The following CELSR1 variants were observed in gnomAD, a reference collection of about 807,000 sequenced individuals.
The protein encoded by CELSR1 is cadherin EGF LAG seven-pass G-type receptor 1.
A neutral mutation model predicts 249.1 loss-of-function variants in CELSR1; 110 were observed. The ratio of observed to expected loss-of-function variants is 0.44; its 90% CI spans 0.38 to 0.52. The LOEUF (loss-of-function observed/expected upper bound fraction) is 0.52. Among genes scored for constraint, CELSR1 ranks in the 20% least tolerant of loss-of-function variants. The pLI is 0.00. For synonymous variants in CELSR1, 2,113 were observed against 1,900.0 expected (o/e 1.11, Z -2.92); for missense variants, 4,109 against 4,296.4 (o/e 0.96, Z 1.22).
rs2079620117 is a variant in CELSR1 at position 46,433,459 on chromosome 22, T to C, written c.4545A>G (p.Ala1515=). 6.2e-7 allele frequency: 1 copy of C among 1,613,824 alleles called. No homozygotes were observed. Among genetic ancestry groups the C allele is most frequent in the South Asian group, 1.1e-5 (1 of 91,070 alleles). Residue 1515 remains alanine, a synonymous_variant, in exon 5 of 35, where the codon GCA becomes GCG. Coordinates refer to ENST00000674500, the MANE Select transcript of CELSR1 (RefSeq NM_001378328.1). The surrounding 1 kb of genome is among the most constrained non-coding windows in gnomAD (Gnocchi z 5.7). ...FSAGETTTTV[A]PKVPSGVSDG... ...CACTCACACCACTGGGAACCTTCGG[T>C]GCCACGGTCGTTGTTGTCTCGCCTG...
chr22:46,530,371 A>G (rs1278195864), intron 1 of CELSR1: 1 of 149,264 alleles, frequency 6.7e-6, no homozygotes, highest in Non-Finnish European at 1.5e-5. Flanking sequence ...ATAATTCATT[A>G]TATATAAATT....
Position 46,386,952 on chromosome 22 carries a change from T to G in CELSR1, c.6556-367A>C, listed in dbSNP as rs148505739. Among the ~76,000 whole-genome samples the G allele has an allele frequency of 5.7e-3, 873 of 152,278 alleles. 9 individuals are homozygous for G. The highest frequency in any genetic ancestry group is 0.019 in the African/African-American group (796 of 41,554). On this transcript the variant is annotated intron_variant, in intron 18 of 34. Transcript: ENST00000674500. ...TTTGTATTTTTAGTAGAGACGGGGC[T>G]TCACCATGTTGGCCAGGCTGGTTTT...
intron 1 of CELSR1, among the ~76,000 whole-genome samples, chr22:46,474,110 G>A (rs911372067): frequency 4.6e-5 from 7 of 152,162 alleles, no homozygotes; most frequent in Non-Finnish European, 8.8e-5. Context: ...AAAGGCCCAC[G>A]TGCTGCTCAC....
At chr22:46,529,990 G>C (rs1281989941) in intron 1 of CELSR1, among the ~76,000 whole-genome samples, 1 of 151,884 alleles carries the variant, frequency 6.6e-6, no homozygotes, top group Non-Finnish European at 1.5e-5. Context: ...GCATGCCTGT[G>C]CCAGAATATC....
chr22:46,381,605 C>G lies in CELSR1; in HGVS notation c.7088+241G>C, dbSNP rs9615973. On this transcript the variant is annotated intron_variant, in intron 21 of 34. Coordinates refer to ENST00000674500, the MANE Select transcript of CELSR1 (RefSeq NM_001378328.1). This position sits in a 1 kb window ranked among gnomAD's most constrained non-coding sequence, Gnocchi z 6.0. ...TGCTGGGGAGGGGGCATTTCTGGCA[C>G]AAACACCAGGATGAGCCCAGGCAAA... is the stretch of plus-strand genomic sequence containing the variant. 0.19 allele frequency among the ~76,000 whole-genome samples: 29,455 copies of G among 152,080 alleles called. 3,697 individuals are homozygous for G. The highest frequency in any genetic ancestry group is 0.36 in the African/African-American group (14,766 of 41,436).
chr22:46,516,689 T>C (rs1294647260), intron 1 of CELSR1, among the ~76,000 whole-genome samples: 1 of 152,020 alleles, frequency 6.6e-6, no homozygotes, highest in Non-Finnish European at 1.5e-5. Context: ...ACCTCCCAGG[T>C]AATTTCCTCG....
In CELSR1 at chr22:46,374,243, G is replaced by T. The variant is rs2078893020; in HGVS notation, c.7585-1186C>A. Among the ~76,000 whole-genome samples, 1 of 152,348 alleles carries T rather than the reference G, an allele frequency of 6.6e-6. No homozygotes were observed. Among genetic ancestry groups the T allele is most frequent in the East Asian group, 1.9e-4 (1 of 5,188 alleles). On this transcript the variant is annotated intron_variant, in intron 24 of 34. Transcript: ENST00000674500. The surrounding 1 kb of genome is among the most constrained non-coding windows in gnomAD (Gnocchi z 4.3). ...ACACTGGCTCAGGAAAAGGAAGGGG[G>T]TGAGAAGGTTGGTTGGCTGGATGGC...
Position 46,389,318 on chromosome 22 carries a change from G to A in CELSR1, c.6527C>T (p.Ala2176Val). The change falls in exon 18 of 35, where the codon GCA becomes GTA. Residue 2176 changes from alanine (A) to valine (V), a missense_variant. Around this residue, in one of 7 missense-constraint regions of CELSR1, gnomAD observed 1,805 missense variants for 1,831.6 expected, o/e 0.99. Coordinates refer to ENST00000674500, the MANE Select transcript of CELSR1 (RefSeq NM_001378328.1). Reference protein sequence around the residue: ...HESWQQGFDLAATQDADFHED... With the variant: ...HESWQQGFDLVATQDADFHED... ...GTGAAAGTCGGCGTCCTGCGTGGCT[G>A]CCAGGTCGAAGCCCTGCTGCCAGCT... The A allele has an allele frequency of 2.5e-6, 4 of 1,608,552 alleles. No homozygotes were observed. Among genetic ancestry groups the A allele is most frequent in the Admixed American group, 1.7e-5 (1 of 60,010 alleles).
chr22:46,460,206 CACACA>C (rs1569179910), intron 2 of CELSR1, among the ~76,000 whole-genome samples: 14 of 55,902 alleles, frequency 2.5e-4, no homozygotes, highest in Middle Eastern at 7.9e-3. Flanking sequence ...CACACACACA[CACACA>C]CACACCCATT....
At chr22:46,469,651 G>T (rs1363371461) in intron 1 of CELSR1, among the ~76,000 whole-genome samples, 1 of 151,826 alleles carries the variant, frequency 6.6e-6, no homozygotes, top group African/African-American at 2.4e-5. Flanking sequence ...AAGTAGCTGG[G>T]ATTACAGACG....
chr22:46,420,924 G>A (rs1451104054), intron 5 of CELSR1, among the ~76,000 whole-genome samples: 10 of 152,142 alleles, frequency 6.6e-5, no homozygotes, highest in Admixed American at 6.5e-4. Context: ...GAAGGTGGGG[G>A]CCGGGGATGG....
rs1259190026 is a variant in CELSR1, at chr22:46,533,687, G to A, written c.3484C>T (p.Leu1162Phe). The A allele has an allele frequency of 2.5e-6, 4 of 1,610,100 alleles. No individual in the cohort carries two copies. Among genetic ancestry groups the A allele is most frequent in the Admixed American group, 3.3e-5 (2 of 59,926 alleles). The part of the protein sequence containing the change: ...LLDPATGELQ[L>F]SRDLDNNRPL... ...CGGTTGTTGTCCAGGTCGCGGCTGA[G>A]CTGCAGTTCGCCCGTGGCGGGGTCC... Residue 1162 changes from leucine to phenylalanine, a missense_variant, in exon 1 of 35, where the codon CTC becomes TTC. Transcript: ENST00000674500.
At chr22:46,508,204 C>T (rs1001632416) in intron 1 of CELSR1, among the ~76,000 whole-genome samples, 1 of 152,028 alleles carries the variant, frequency 6.6e-6, no homozygotes, top group African/African-American at 2.4e-5. Flanking sequence ...GCCACTCTCG[C>T]CCTGCCCTGG....
At chr22:46,373,178 C>T in intron 24 of CELSR1, 121 bp from the exon 25 acceptor site, 5 of 1,056,332 alleles carry the variant, frequency 4.7e-6, no homozygotes, top group Non-Finnish European at 6.6e-6. Flanking sequence ...TGTCTGTCCT[C>T]AGCTGAGCAG....
intron 9 of CELSR1, among the ~76,000 whole-genome samples, chr22:46,405,269 G>A (rs1442151064): frequency 1.3e-5 from 2 of 151,132 alleles, no homozygotes; most frequent in Non-Finnish European, 1.5e-5. Context: ...GACCATCCTG[G>A]CTAACCCGGT....
rs570089574 is a variant in CELSR1 at position 46,447,542 on chromosome 22, T to C, written c.4184-8131A>G. The stretch of plus-strand genomic sequence containing the variant: ...ATAGAGTCCACCTGGGCAAACCTAT[T>C]GCTGTGCTCACTCACGCATGCAGCC... On this transcript the variant is annotated intron_variant, in intron 2 of 34. Transcript: ENST00000674500. The surrounding 1 kb of genome is among the most constrained non-coding windows in gnomAD (Gnocchi z 4.7). Among the ~76,000 whole-genome samples the C allele has an allele frequency of 6.6e-6, 1 of 152,278 alleles. No homozygotes were observed. Among genetic ancestry groups the C allele is most frequent in the Admixed American group, 6.5e-5 (1 of 15,290 alleles).
intron 32 of CELSR1, 82 bp downstream of exon 32, chr22:46,365,149 G>A: frequency 1.3e-6 from 2 of 1,508,238 alleles, no homozygotes; most frequent in South Asian, 1.3e-5. Context: ...ATCCTGGGAG[G>A]AAGGGACCCA....
chr22:46,501,873 CT>C lies in CELSR1; in HGVS notation c.3544+31753del, dbSNP rs1312329478. ...TGAAGAGAAAACAAAGAAAAATCAT[CT>C]GATCTGCACCCTCCAGGGAGTAATA... On this transcript the variant is annotated intron_variant, in intron 1 of 34. Coordinates refer to ENST00000674500, the MANE Select transcript of CELSR1 (RefSeq NM_001378328.1). Among the ~76,000 whole-genome samples the C allele has an allele frequency of 2.6e-5, 4 of 152,288 alleles. No individual in the cohort carries two copies. In the East Asian group the frequency reaches 5.8e-4, roughly 22 times the overall value.
At position 46,409,948 on chromosome 22, in the gene CELSR1, T is replaced by C. The variant is rs903640873; in HGVS notation, c.4934-68A>G. On this transcript the variant is annotated intron_variant, in intron 7 of 34. Transcript: ENST00000674500. The surrounding 1 kb of genome is among the most constrained non-coding windows in gnomAD (Gnocchi z 9.8). ...CGCCCGGGGTCCCCGGCGCCAGACG[T>C]GGCGTGGGAAACCAGGACGGAATGG... 9.4e-5 allele frequency: 150 copies of C among 1,594,226 alleles called. No individual in the cohort carries two copies. In the Admixed American group the frequency reaches 2.2e-3, roughly 24 times the overall value.
Sources: allele counts gnomAD v4.1 joint callset (sites outside exome capture counted in the v4.1 genomes callset), GRCh38; gene constraint gnomAD v4.1.1; regional missense constraint gnomAD v4.1.1; non-coding constraint Gnocchi (gnomAD v3.1); transcripts MANE v1.5; gene names NCBI Gene and HGNC (gene_info 2026-07-23, HGNC 2026-07-21).